The following COL25A1 variants were observed in gnomAD, a reference collection of about 807,000 sequenced individuals.
The protein encoded by COL25A1 is collagen alpha-1(XXV) chain.
A neutral mutation model predicts 128.4 loss-of-function variants in COL25A1; 103 were observed. The ratio of observed to expected loss-of-function variants is 0.80; its 90% CI spans 0.68 to 0.94. COL25A1 has a LOEUF of 0.94. Among genes scored for constraint, COL25A1 ranks in the 40% least tolerant of loss-of-function variants. The pLI, the probability that COL25A1 is intolerant of heterozygous loss-of-function variation, is 0.00. For synonymous variants in COL25A1, 279 were observed against 277.2 expected, an observed-to-expected ratio of 1.01 and a Z score of -0.06; for missense variants, 745 against 840.0, an observed-to-expected ratio of 0.89 and a Z score of 1.40.
At chr4:109,246,261 T>C (rs150699308) in intron 3 of COL25A1, among the ~76,000 whole-genome samples, 4 of 152,190 alleles carry the variant, frequency 2.6e-5, no homozygotes, top group African/African-American at 7.2e-5. Context: ...AATATAAAAT[T>C]AAGCAGAGAT....
chr4:109,056,337 AC>A (rs999344782), intron 3 of COL25A1, among the ~76,000 whole-genome samples: 5 of 152,142 alleles, frequency 3.3e-5, no homozygotes, highest in African/African-American at 1.2e-4. Context: ...TATTTTTATA[AC>A]CTAATCAGAG....
intron 13 of COL25A1, among the ~76,000 whole-genome samples, chr4:108,901,695 T>C (rs558034923): frequency 1.6e-4 from 24 of 152,228 alleles, no homozygotes; most frequent in African/African-American, 5.8e-4. Context: ...ACAGATTTGG[T>C]TTTTCTTTCC....
Position 108,859,662 on chromosome 4 carries a change from G to A in COL25A1, c.1314C>T (p.Ala438=), listed in dbSNP as rs375961425. Residue 438 remains alanine, a synonymous_variant, in exon 24 of 38, where the codon GCC becomes GCT. Transcript: ENST00000399132. ...IIDYNGNLHE[A]LQRITTLTVT... ...GCAGGGACCAGTCACTTGCCTGTAAGGCTTCGTGGAGGTTGCCGTTGTAGT... is the reference window on the plus strand; with the variant it reads ...GCAGGGACCAGTCACTTGCCTGTAAAGCTTCGTGGAGGTTGCCGTTGTAGT... 7.1e-5 allele frequency: 115 copies of A among 1,613,460 alleles called. No homozygotes were observed. The highest frequency in any genetic ancestry group is 8.9e-5 in the Non-Finnish European group (105 of 1,179,786).
At chr4:109,202,867 T>C (rs1233859057) in intron 3 of COL25A1, among the ~76,000 whole-genome samples, 3 of 152,096 alleles carry the variant, frequency 2.0e-5, no homozygotes, top group Non-Finnish European at 4.4e-5. Flanking sequence ...CTTATAAAGA[T>C]AGATAAGTGG....
chr4:109,000,162 T>C (rs2126027461), intron 6 of COL25A1, among the ~76,000 whole-genome samples: 1 of 152,172 alleles, frequency 6.6e-6, no homozygotes, highest in Admixed American at 6.5e-5. Flanking sequence ...AAAAAAGTGT[T>C]CATGAATAAT....
At chr4:108,930,432 G>A (rs1233493576) in intron 11 of COL25A1, among the ~76,000 whole-genome samples, 1 of 152,134 alleles carries the variant, frequency 6.6e-6, no homozygotes, top group Non-Finnish European at 1.5e-5. Context: ...TCACTACAAA[G>A]ACTATGTGTT....
At chr4:108,873,661 T>C (rs1739079206) in intron 19 of COL25A1, among the ~76,000 whole-genome samples, 1 of 152,072 alleles carries the variant, frequency 6.6e-6, no homozygotes, top group Non-Finnish European at 1.5e-5. Flanking sequence ...CCTTTTAACC[T>C]GCCTAGGGTT....
chr4:109,181,681 T>C (rs1478901609), intron 3 of COL25A1, among the ~76,000 whole-genome samples: 1 of 152,148 alleles, frequency 6.6e-6, no homozygotes, highest in African/African-American at 2.4e-5. Context: ...AACAAATGTA[T>C]TACCTCACAT....
chr4:109,209,279 C>T (rs1417116704), intron 3 of COL25A1, among the ~76,000 whole-genome samples: 1 of 151,840 alleles, frequency 6.6e-6, no homozygotes, highest in African/African-American at 2.4e-5. Context: ...CATAACAATG[C>T]TGAATAGTAA....
intron 3 of COL25A1, among the ~76,000 whole-genome samples, chr4:109,080,780 T>C (rs1763768859): frequency 6.6e-6 from 1 of 152,212 alleles, no homozygotes; most frequent in South Asian, 2.1e-4. Context: ...ACCTAAATTT[T>C]ATGAAAATTT....
At chr4:108,950,073 C>T (rs1467871639) in intron 8 of COL25A1, among the ~76,000 whole-genome samples, 8 of 152,150 alleles carry the variant, frequency 5.3e-5, no homozygotes, top group Non-Finnish European at 7.3e-5. Context: ...CATTTATCCA[C>T]GCTCTTTTCC....
intron 13 of COL25A1, among the ~76,000 whole-genome samples, chr4:108,907,123 T>G (rs11731391): frequency 0.47 from 71,290 of 151,914 alleles, 18,969 homozygotes; most frequent in East Asian, 0.93. Context: ...TCAGTCCGAA[T>G]CACTAGGATT....
Position 108,829,780 on chromosome 4 carries a change from G to T in COL25A1, c.1711-2592C>A, listed in dbSNP as rs4956214. 0.017 allele frequency among the ~76,000 whole-genome samples: 2,653 copies of T among 152,200 alleles called. 183 individuals carry two copies. In the East Asian group the frequency reaches 0.24, roughly 14 times the overall value. Reference sequence around the variant, plus strand: ...TATTAACGACAATTCCATTTCTCTTGCCAGTGACTGCCTCAGAAATGGACA... The same window carrying T: ...TATTAACGACAATTCCATTTCTCTTTCCAGTGACTGCCTCAGAAATGGACA... On this transcript the variant is annotated intron_variant, in intron 32 of 37. Transcript: ENST00000399132.
intron 3 of COL25A1, among the ~76,000 whole-genome samples, chr4:109,132,696 T>A (rs1223811475): frequency 6.6e-6 from 1 of 152,154 alleles, no homozygotes; most frequent in Non-Finnish European, 1.5e-5. Context: ...ATTATCCTTT[T>A]CTGAAGGTAA....
chr4:109,070,247 C>CA, intron 3 of COL25A1, among the ~76,000 whole-genome samples: 1 of 147,950 alleles, frequency 6.8e-6, no homozygotes, highest in South Asian at 2.1e-4. Context: ...GACTCTGTCT[C>CA]AAAAAACAAA....
At chr4:109,275,562 G>C (rs79511501) in intron 3 of COL25A1, among the ~76,000 whole-genome samples, 2 of 152,248 alleles carry the variant, frequency 1.3e-5, no homozygotes, top group African/African-American at 4.8e-5. Context: ...ATGCAAAGGC[G>C]CCTGAGGGAA....
chr4:109,004,721 G>C (rs1193265091), intron 6 of COL25A1, among the ~76,000 whole-genome samples: 1 of 152,034 alleles, frequency 6.6e-6, no homozygotes, highest in Non-Finnish European at 1.5e-5. Flanking sequence ...CTCCCCCTTT[G>C]CCTTCCACTA....
chr4:109,070,461 C>T (rs890452991), intron 3 of COL25A1, among the ~76,000 whole-genome samples: 6 of 151,746 alleles, frequency 4.0e-5, no homozygotes, highest in Non-Finnish European at 8.8e-5. Flanking sequence ...GTAGATGTTT[C>T]ATTTTAGAAT....
At position 109,000,748 on chromosome 4, in the gene COL25A1, A is replaced by G. The variant is rs867296251; in HGVS notation, c.438+9610T>C. On this transcript the variant is annotated intron_variant, in intron 6 of 37. Transcript: ENST00000399132. ...GCAACAGAGTGAGACTCTGTCAAAA[A>G]AAAAAAAAAAAAAAAAAAAAGAAAA... Among the ~76,000 whole-genome samples, 773 of 114,346 alleles carry G rather than the reference A, an allele frequency of 6.8e-3. 1 individual carries two copies. Among genetic ancestry groups the G allele is most frequent in the African/African-American group, 0.021 (740 of 35,398 alleles). The allele number at this position is 114,346 out of a possible 152,430, so 75.0% of individuals were successfully genotyped here. A position where few individuals can be genotyped will look rare whatever the true frequency, so the allele number is the denominator to read the frequency against.
Sources: gnomAD v4.1 joint callset for allele counts (sites outside exome capture counted in the v4.1 genomes callset) on GRCh38, gnomAD v4.1.1 for gene constraint, MANE v1.5 for transcripts, NCBI Gene and HGNC (gene_info 2026-07-23, HGNC 2026-07-21) for gene names.